Variants in IL6ST observed in about 807,000 individuals in gnomAD.
IL6ST encodes interleukin-6 receptor subunit beta.
In IL6ST, 24 loss-of-function variants were observed where a neutral mutation model predicts 91.3. The ratio of observed to expected loss-of-function variants is 0.26; its 90% CI spans 0.19 to 0.37. The LOEUF is 0.37. Ranked by LOEUF, IL6ST falls within the 10% of genes least tolerant of loss-of-function variation. The pLI is 1.00. For missense variants in IL6ST, 914 were observed against 1,078.5 expected, an observed-to-expected ratio of 0.85 and a Z score of 2.14; for synonymous variants, 351 against 373.6, an observed-to-expected ratio of 0.94 and a Z score of 0.70.
At chr5:55,970,242 A>G (rs768929357) in intron 3 of IL6ST, among the ~76,000 whole-genome samples, 15 of 152,186 alleles carry the variant, frequency 9.9e-5, no homozygotes, top group South Asian at 2.1e-4. Context: ...GGTCTCCTCT[A>G]CAGTCCTGAA....
rs1753266064 is a variant in IL6ST, at chr5:55,975,971, G to A, written c.64+244C>T. On this transcript the variant is annotated intron_variant, in intron 3 of 16. Transcript: ENST00000381298. ...AAGTTATTGTTAGTATTGATATACA[G>A]CATTTAAGATTACTGACTTAAATTA... Among the ~76,000 whole-genome samples, 3 of 150,462 alleles carry A rather than the reference G, an allele frequency of 2.0e-5. No homozygotes were observed. The South Asian group carries it at 6.3e-4, about 31-fold the overall frequency.
intron 2 of IL6ST, among the ~76,000 whole-genome samples, chr5:55,980,476 G>A (rs758748924): frequency 1.3e-5 from 2 of 152,188 alleles, no homozygotes; most frequent in Non-Finnish European, 2.9e-5. Context: ...CTTGAACCCG[G>A]GAGGCGGAGG....
chr5:55,945,136 TA>T (rs1356401866), intron 15 of IL6ST, among the ~76,000 whole-genome samples: 1 of 151,544 alleles, frequency 6.6e-6, no homozygotes, highest in Non-Finnish European at 1.5e-5. Flanking sequence ...ACTATAGTTT[TA>T]AAAAAGTTGA....
chr5:55,947,028 C>A (rs950046192), intron 15 of IL6ST, among the ~76,000 whole-genome samples: 2 of 151,884 alleles, frequency 1.3e-5, no homozygotes, highest in African/African-American at 2.4e-5. Flanking sequence ...CATGGTGATA[C>A]CCCATCTCTA....
chr5:55,958,109 T>TA (rs1338340564), intron 8 of IL6ST, among the ~76,000 whole-genome samples: 3 of 152,120 alleles, frequency 2.0e-5, no homozygotes, highest in African/African-American at 7.2e-5. Flanking sequence ...CCATAAAACA[T>TA]AGTGGTTTTT....
At chr5:55,968,789 T>C (rs1040562831) in intron 4 of IL6ST, among the ~76,000 whole-genome samples, 3 of 152,262 alleles carry the variant, frequency 2.0e-5, no homozygotes, top group Non-Finnish European at 4.4e-5. Flanking sequence ...TCTCTTCTTA[T>C]TGCTTTCCCA....
chr5:55,963,764 T>C (rs1344964535), intron 6 of IL6ST, among the ~76,000 whole-genome samples: 1 of 152,144 alleles, frequency 6.6e-6, no homozygotes, highest in Non-Finnish European at 1.5e-5. Flanking sequence ...ATATTTATGA[T>C]ATCAAATTTT....
chr5:55,980,719 A>G (rs1561200066), intron 2 of IL6ST, among the ~76,000 whole-genome samples: 1 of 152,210 alleles, frequency 6.6e-6, no homozygotes. Context: ...TATTAAAGAC[A>G]AAATACTTAA....
In IL6ST at chr5:55,936,478, T is replaced by C. The variant is rs895764311; in HGVS notation, c.*4604A>G. On this transcript the variant is annotated 3_prime_UTR_variant, in exon 17 of 17. Coordinates refer to ENST00000381298, the MANE Select transcript of IL6ST (RefSeq NM_002184.4). ...CCATTCTATGTTATTAAGACCAAGA[T>C]AGTGTACTGGTTTTCTTTTAAATCA... The C allele has an allele frequency of 3.7e-5, 8 of 215,782 alleles. No homozygotes were observed. The East Asian group carries it at 4.1e-4, about 11-fold the overall frequency. The allele number at this position is 215,782 out of a possible 1,614,324, so 13.4% of individuals were successfully genotyped here. A position where few individuals can be genotyped will look rare whatever the true frequency, so the allele number is the denominator to read the frequency against.
rs1436860626 is a variant in IL6ST, at chr5:55,938,310, AC to A, written c.*2771del. The A allele has an allele frequency of 5.2e-6, 1 of 191,484 alleles. No individual in the cohort carries two copies. Among genetic ancestry groups the A allele is most frequent in the African/African-American group, 2.3e-5 (1 of 42,986 alleles). The allele number at this position is 191,484 out of a possible 1,614,324, so 11.9% of individuals were successfully genotyped here. ...TCCTTGCTGCTGTTCCCGAGTGCCG[AC>A]TGATCCATAGTAAAAAAGGACAAGA... On this transcript the variant is annotated 3_prime_UTR_variant, in exon 17 of 17. Transcript: ENST00000381298.
rs1237590396 is a variant in IL6ST at position 55,969,695 on chromosome 5, A to G, written c.225T>C (p.Pro75=). ...TGTTTATGATAGTATATTGCTCCTT[A>G]GGAATAGTAAAATGGTTTGTTTTCC... ...IVWKTNHFTI[P]KEQYTIINRT... The change falls in exon 4 of 17, where the codon CCT becomes CCC. Residue 75 remains proline, a synonymous_variant. Transcript: ENST00000381298. 6.2e-7 allele frequency: 1 copy of G among 1,612,684 alleles called. No homozygotes were observed. Among genetic ancestry groups the G allele is most frequent in the Non-Finnish European group, 8.5e-7 (1 of 1,178,760 alleles).
At chr5:55,963,316 A>G in intron 7 of IL6ST, 36 bp downstream of exon 7, 4 of 1,438,644 alleles carry the variant, frequency 2.8e-6, no homozygotes, top group East Asian at 2.4e-5. Context: ...GGGTTGAAAG[A>G]AGGACTATTT....
chr5:55,960,542 G>C lies in IL6ST; in HGVS notation c.833C>G (p.Ala278Gly), dbSNP rs762288552. ...TWSQIPPEDT[A>G]STRSSFTVQD... ...GACAGTGAATGAAGATCGGGTGGAT[G>C]CTGTGTCTTCAGGAGGAATCTGAAA... The change falls in exon 8 of 17, where the codon GCA (alanine) becomes GGA (glycine). Residue 278 changes from alanine to glycine, a missense_variant. By Grantham distance (60) the Ala-to-Gly change is moderately conservative. Coordinates refer to ENST00000381298, the MANE Select transcript of IL6ST (RefSeq NM_002184.4). 5.0e-6 allele frequency: 8 copies of C among 1,613,184 alleles called. No homozygotes were observed. The African/African-American group carries it at 1.1e-4, about 22-fold the overall frequency.
chr5:55,961,076 T>C (rs1409745009), intron 7 of IL6ST, among the ~76,000 whole-genome samples: 1 of 152,186 alleles, frequency 6.6e-6, no homozygotes, highest in African/African-American at 2.4e-5. Context: ...AACTATTTTA[T>C]TGACACAAGA....
At chr5:55,959,640 G>C (rs1310858760) in intron 8 of IL6ST, 2 of 1,296,732 alleles carry the variant, frequency 1.5e-6, no homozygotes, top group Admixed American at 4.6e-5. Context: ...CAAAATTCCA[G>C]GATCAACCGC....
intron 1 of IL6ST, among the ~76,000 whole-genome samples, chr5:55,991,813 A>G (rs1754347595): frequency 6.6e-6 from 1 of 151,990 alleles, no homozygotes; most frequent in Non-Finnish European, 1.5e-5. Flanking sequence ...TCTAGAGAGA[A>G]CTGCTTGCAA....
At chr5:55,991,984 A>T (rs759399237) in intron 1 of IL6ST, among the ~76,000 whole-genome samples, 12 of 152,132 alleles carry the variant, frequency 7.9e-5, no homozygotes, top group Non-Finnish European at 1.8e-4. Flanking sequence ...ATCCCTGTAG[A>T]CTCAGCAAAC....
Position 55,940,962 on chromosome 5 carries a change from T to C in IL6ST, c.*120A>G. 2.0e-6 allele frequency: 2 copies of C among 1,017,274 alleles called. No homozygotes were observed. Among genetic ancestry groups the C allele is most frequent in the Non-Finnish European group, 2.9e-6 (2 of 692,368 alleles). 63.0% of individuals were successfully genotyped at this position (1,017,274 alleles called of 1,614,324 possible). On this transcript the variant is annotated 3_prime_UTR_variant, in exon 17 of 17. Transcript: ENST00000381298. ...GTGAAACTTCAGTTCATTTTTGTCC[T>C]TAAGGGCAAATGATCATCTTCAGAG...
At chr5:55,983,840 G>A (rs1753799752) in intron 1 of IL6ST, among the ~76,000 whole-genome samples, 2 of 151,854 alleles carry the variant, frequency 1.3e-5, no homozygotes, top group Admixed American at 1.3e-4. Context: ...TACAAAGATG[G>A]GATCATGTAA....
Sources: gnomAD v4.1 joint callset for allele counts (sites outside exome capture counted in the v4.1 genomes callset) on GRCh38, gnomAD v4.1.1 for gene constraint, MANE v1.5 for transcripts, NCBI Gene and HGNC (gene_info 2026-07-23, HGNC 2026-07-21) for gene names.